The following LAMA2 variants were observed in gnomAD, a reference collection of about 807,000 sequenced individuals.
LAMA2 encodes laminin subunit alpha 2.
A neutral mutation model predicts 364.8 loss-of-function variants in LAMA2; 269 were observed. That is an observed-to-expected ratio of 0.74 (90% confidence interval 0.67 to 0.82). The LOEUF (loss-of-function observed/expected upper bound fraction) is 0.82, where lower values mean the gene tolerates loss of function less well. LAMA2 is among the 40% of genes least tolerant of loss of function. The pLI, the probability that LAMA2 is intolerant of heterozygous loss-of-function variation, is 0.00. For synonymous variants in LAMA2, 1,379 were observed against 1,370.6 expected (o/e 1.01, Z -0.14); for missense variants, 3,807 against 3,873.2 (o/e 0.98, Z 0.45).
At chr6:129,279,499 G>GCACA (rs1034758885) in intron 17 of LAMA2, among the ~76,000 whole-genome samples, 86 of 152,278 alleles carry the variant, frequency 5.6e-4, no homozygotes, top group African/African-American at 2.0e-3. Context: ...GGTAGAATAT[G>GCACA]CACACTTGAT....
At chr6:129,200,757 A>G (rs1782236026) in intron 12 of LAMA2, among the ~76,000 whole-genome samples, 1 of 152,290 alleles carries the variant, frequency 6.6e-6, no homozygotes, top group African/African-American at 2.4e-5. Context: ...AAAATAGCCC[A>G]TAGATATCAC....
chr6:129,290,184 A>G (rs1176880330), intron 19 of LAMA2, among the ~76,000 whole-genome samples: 1 of 152,166 alleles, frequency 6.6e-6, no homozygotes, highest in Non-Finnish European at 1.5e-5. Flanking sequence ...TTTGTAGTTT[A>G]CACTCCAAGA....
At chr6:128,941,188 G>A (rs1344812908) in intron 1 of LAMA2, among the ~76,000 whole-genome samples, 1 of 152,170 alleles carries the variant, frequency 6.6e-6, no homozygotes, top group East Asian at 1.9e-4. Context: ...GCAAGTCAAT[G>A]GAAAGCCTTC....
intron 34 of LAMA2, among the ~76,000 whole-genome samples, chr6:129,377,703 T>C (rs138036939): frequency 6.6e-6 from 1 of 152,348 alleles, no homozygotes; most frequent in Non-Finnish European, 1.5e-5. Context: ...GTAGACAGTA[T>C]CTAAGCAATG....
intron 4 of LAMA2, among the ~76,000 whole-genome samples, chr6:129,111,757 A>T (rs953873766): frequency 6.6e-6 from 1 of 152,026 alleles, no homozygotes; most frequent in Non-Finnish European, 1.5e-5. Context: ...TTCTTTACCA[A>T]ATTAGTAATA....
At chr6:129,065,948 T>C (rs1383806576) in intron 3 of LAMA2, among the ~76,000 whole-genome samples, 2 of 151,842 alleles carry the variant, frequency 1.3e-5, no homozygotes, top group Non-Finnish European at 2.9e-5. Context: ...GACTCCTCCT[T>C]ACCTTCCACC....
chr6:129,200,427 T>C (rs886844372), intron 12 of LAMA2, among the ~76,000 whole-genome samples: 15 of 149,040 alleles, frequency 1.0e-4, no homozygotes, highest in Admixed American at 8.7e-4. Flanking sequence ...TACGTGTATA[T>C]GTGTACACAT....
chr6:129,154,140 G>T (rs1170677259), intron 7 of LAMA2, among the ~76,000 whole-genome samples: 2 of 152,166 alleles, frequency 1.3e-5, no homozygotes, highest in Non-Finnish European at 2.9e-5. Context: ...TAGGCCGGGG[G>T]CAGTGGCTCA....
At chr6:129,341,651 T>C (rs1776274351) in intron 29 of LAMA2, among the ~76,000 whole-genome samples, 1 of 152,252 alleles carries the variant, frequency 6.6e-6, no homozygotes, top group South Asian at 2.1e-4. Context: ...TAACTCCTTA[T>C]TGCATAATTG....
At chr6:129,515,416 A>C (rs942358610) in intron 64 of LAMA2, among the ~76,000 whole-genome samples, 26 of 152,216 alleles carry the variant, frequency 1.7e-4, no homozygotes, top group African/African-American at 6.3e-4. Flanking sequence ...CTTTTGCTTC[A>C]ATCAGGATAA....
intron 1 of LAMA2, among the ~76,000 whole-genome samples, chr6:128,901,664 GT>G (rs1777092984): frequency 1.3e-5 from 2 of 152,126 alleles, no homozygotes; most frequent in African/African-American, 2.4e-5. Context: ...TGATAACTAT[GT>G]TACATAGTTA....
chr6:129,272,812 G>A (rs1329489109), intron 17 of LAMA2, among the ~76,000 whole-genome samples: 1 of 152,094 alleles, frequency 6.6e-6, no homozygotes, highest in South Asian at 2.1e-4. Flanking sequence ...ACCCTATTGC[G>A]AACTGCACCT....
intron 13 of LAMA2, 86 bp from the exon 14 acceptor site, chr6:129,251,998 G>T (rs7767607): frequency 2.5e-6 from 2 of 803,192 alleles, no homozygotes; most frequent in Non-Finnish European, 4.2e-6. Context: ...TATTGAGGGT[G>T]GAGGATACAA....
chr6:129,420,127 C>T (rs1341984599), intron 40 of LAMA2, among the ~76,000 whole-genome samples: 1 of 151,904 alleles, frequency 6.6e-6, no homozygotes, highest in African/African-American at 2.4e-5. Flanking sequence ...CATATCTTTT[C>T]CTATGCAAAT....
chr6:129,212,960 C>T (rs974990652), intron 12 of LAMA2, among the ~76,000 whole-genome samples: 5 of 152,040 alleles, frequency 3.3e-5, no homozygotes, highest in African/African-American at 1.2e-4. Context: ...CTGTGCATAC[C>T]CTGAGCAGAC....
At chr6:129,050,571 A>G (rs1371841330) in intron 2 of LAMA2, among the ~76,000 whole-genome samples, 1 of 152,192 alleles carries the variant, frequency 6.6e-6, no homozygotes, top group Non-Finnish European at 1.5e-5. Flanking sequence ...GGCTTGCCAG[A>G]AGGAGCGATA....
At chr6:129,194,668 A>G (rs1781732712) in intron 12 of LAMA2, among the ~76,000 whole-genome samples, 1 of 152,200 alleles carries the variant, frequency 6.6e-6, no homozygotes, top group African/African-American at 2.4e-5. Context: ...GACATTTTTA[A>G]TGTAACGTGG....
chr6:128,936,918 T>C (rs1208232084), intron 1 of LAMA2, among the ~76,000 whole-genome samples: 1 of 152,164 alleles, frequency 6.6e-6, no homozygotes, highest in Non-Finnish European at 1.5e-5. Flanking sequence ...CAGGTGCATA[T>C]GATATCAATG....
intron 1 of LAMA2, among the ~76,000 whole-genome samples, chr6:129,025,463 A>G (rs1324677907): frequency 1.3e-5 from 2 of 152,222 alleles, no homozygotes; most frequent in African/African-American, 4.8e-5. Context: ...TTGCTCTTCA[A>G]TAAAGATAGA....
Sources: gnomAD v4.1 joint callset for allele counts (sites outside exome capture counted in the v4.1 genomes callset) on GRCh38, gnomAD v4.1.1 for gene constraint, MANE v1.5 for transcripts, NCBI Gene and HGNC (gene_info 2026-07-23, HGNC 2026-07-21) for gene names.